The following ZNF385D variants were observed in gnomAD, a reference collection of about 807,000 sequenced individuals.
ZNF385D encodes the protein zinc finger protein 385D, also known as zinc finger protein 659.
In ZNF385D, 15 loss-of-function variants were observed where a neutral mutation model predicts 35.8. The observed-to-expected ratio is 0.42, with a 90% CI of 0.28 to 0.64. The LOEUF is 0.64. Ranked by LOEUF, ZNF385D falls within the 30% of genes least tolerant of loss-of-function variation. The pLI is 0.23. For missense variants in ZNF385D, 474 were observed against 494.6 expected (o/e 0.96, Z 0.39); for synonymous variants, 212 against 186.8 (o/e 1.13, Z -1.10).
intron 2 of ZNF385D, among the ~76,000 whole-genome samples, chr3:22,248,768 T>C (rs1439889595): frequency 2.0e-5 from 3 of 152,146 alleles, no homozygotes; most frequent in African/African-American, 7.2e-5. Context: ...CTGTGTCGCC[T>C]TTGTGTAGTT....
chr3:22,212,021 A>G (rs1008887030), intron 2 of ZNF385D, among the ~76,000 whole-genome samples: 1 of 152,042 alleles, frequency 6.6e-6, no homozygotes, highest in African/African-American at 2.4e-5. Flanking sequence ...ATAATTCACA[A>G]ATGGTAATCC....
chr3:22,172,992 C>A (rs1347054324), intron 2 of ZNF385D, among the ~76,000 whole-genome samples: 1 of 152,208 alleles, frequency 6.6e-6, no homozygotes, highest in African/African-American at 2.4e-5. Context: ...ACTTCAGCCA[C>A]ATCAAGTTTC....
chr3:21,769,953 C>G (rs2071003512), intron 3 of ZNF385D, among the ~76,000 whole-genome samples: 1 of 152,132 alleles, frequency 6.6e-6, no homozygotes, highest in South Asian at 2.1e-4. Flanking sequence ...ACTATCTGAT[C>G]TTTGACAAAA....
At chr3:21,783,573 T>C (rs570807464) in intron 3 of ZNF385D, among the ~76,000 whole-genome samples, 1 of 152,224 alleles carries the variant, frequency 6.6e-6, no homozygotes, top group East Asian at 1.9e-4. Flanking sequence ...ACAGCATTGT[T>C]TAATGTAATA....
intron 2 of ZNF385D, among the ~76,000 whole-genome samples, chr3:22,291,683 G>A (rs1702309645): frequency 6.6e-6 from 1 of 151,756 alleles, no homozygotes; most frequent in African/African-American, 2.4e-5. Flanking sequence ...AATATTGTGG[G>A]GTTTATGATC....
chr3:22,131,212 A>T (rs1238590509), intron 3 of ZNF385D, among the ~76,000 whole-genome samples: 1 of 152,178 alleles, frequency 6.6e-6, no homozygotes, highest in Non-Finnish European at 1.5e-5. Context: ...ACTAGCAAAT[A>T]AGACAGAGAC....
At chr3:22,248,787 T>A (rs1487520388) in intron 2 of ZNF385D, among the ~76,000 whole-genome samples, 1 of 152,162 alleles carries the variant, frequency 6.6e-6, no homozygotes, top group Non-Finnish European at 1.5e-5. Context: ...TTGTGTCGCC[T>A]CCATTTAATG....
chr3:21,630,310 A>G (rs1291754627), intron 2 of ZNF385D, among the ~76,000 whole-genome samples: 1 of 150,580 alleles, frequency 6.6e-6, no homozygotes, highest in Admixed American at 6.6e-5. Flanking sequence ...AGTTCAAGTG[A>G]TTCTCCTGTC....
chr3:22,078,523 G>T (rs1008936746), intron 3 of ZNF385D, among the ~76,000 whole-genome samples: 2 of 152,042 alleles, frequency 1.3e-5, no homozygotes, highest in Non-Finnish European at 2.9e-5. Context: ...ACAGATGAGA[G>T]GATTTTGCAA....
intron 3 of ZNF385D, among the ~76,000 whole-genome samples, chr3:21,927,584 T>C (rs899041597): frequency 1.3e-5 from 2 of 152,152 alleles, no homozygotes; most frequent in Admixed American, 1.3e-4. Context: ...CTATATCCTC[T>C]CATAGAAGAC....
chr3:21,892,441 C>T (rs1014192651), intron 3 of ZNF385D, among the ~76,000 whole-genome samples: 1 of 152,174 alleles, frequency 6.6e-6, no homozygotes, highest in Admixed American at 6.5e-5. Context: ...TTACCCTTAA[C>T]TCAATTTTGC....
At chr3:21,505,531 G>A (rs1044512353) in intron 4 of ZNF385D, among the ~76,000 whole-genome samples, 3 of 152,054 alleles carry the variant, frequency 2.0e-5, no homozygotes, top group Non-Finnish European at 2.9e-5. Flanking sequence ...AGCTAAACAA[G>A]CACTGGACTC....
At chr3:22,161,974 T>C (rs1018896956) in intron 3 of ZNF385D, among the ~76,000 whole-genome samples, 2 of 152,188 alleles carry the variant, frequency 1.3e-5, no homozygotes, top group Admixed American at 1.3e-4. Flanking sequence ...TCTTTGATCC[T>C]TGGCTATGTT....
chr3:21,555,725 AC>A (rs1314898759), intron 3 of ZNF385D, among the ~76,000 whole-genome samples: 3 of 152,142 alleles, frequency 2.0e-5, no homozygotes, highest in Non-Finnish European at 2.9e-5. Flanking sequence ...TGGGGTGTAT[AC>A]CCAGTAATAA....
At chr3:22,178,586 A>G (rs1694995069) in intron 2 of ZNF385D, among the ~76,000 whole-genome samples, 1 of 152,080 alleles carries the variant, frequency 6.6e-6, no homozygotes, top group Non-Finnish European at 1.5e-5. Flanking sequence ...CTTTAGTTTA[A>G]TTAGATCCCA....
chr3:21,725,248 C>T (rs1345355224), intron 1 of ZNF385D, among the ~76,000 whole-genome samples: 1 of 152,152 alleles, frequency 6.6e-6, no homozygotes, highest in African/African-American at 2.4e-5. Flanking sequence ...CCAAAATCAA[C>T]ACCCTAACAT....
intron 3 of ZNF385D, among the ~76,000 whole-genome samples, chr3:21,805,152 T>A (rs1197470878): frequency 1.3e-5 from 2 of 152,194 alleles, no homozygotes; most frequent in Admixed American, 6.5e-5. Context: ...ATGAATGGTG[T>A]GAGAAAACAG....
intron 2 of ZNF385D, among the ~76,000 whole-genome samples, chr3:22,219,782 G>C (rs2125277589): frequency 6.6e-6 from 1 of 152,194 alleles, no homozygotes; most frequent in African/African-American, 2.4e-5. Context: ...GAATAGTCTT[G>C]GATCAGTTTA....
chr3:22,202,269 A>G (rs1262977806), intron 2 of ZNF385D, among the ~76,000 whole-genome samples: 1 of 152,130 alleles, frequency 6.6e-6, no homozygotes, highest in South Asian at 2.1e-4. Flanking sequence ...GGCATCTGTT[A>G]CTGACATTGT....
Sources: gnomAD v4.1 joint callset for allele counts (sites outside exome capture counted in the v4.1 genomes callset) on GRCh38, gnomAD v4.1.1 for gene constraint, MANE v1.5 for transcripts, NCBI Gene and HGNC (gene_info 2026-07-23, HGNC 2026-07-21) for gene names.